ATF6B: variants seen among roughly 807,000 people sequenced by gnomAD.
ATF6B encodes the protein activating transcription factor 6 beta.
A neutral mutation model predicts 83.5 loss-of-function variants in ATF6B; 50 were observed. The observed-to-expected ratio is 0.60, with a 90% CI of 0.48 to 0.76. The LOEUF is 0.76. ATF6B is among the 30% of genes least tolerant of loss of function. The pLI, the probability that ATF6B is intolerant of heterozygous loss-of-function variation, is 0.00. For missense variants in ATF6B, 790 were observed against 893.8 expected (o/e 0.88, Z 1.48); for synonymous variants, 344 against 362.8 (o/e 0.95, Z 0.59).
Position 32,118,885 on chromosome 6 carries a change from G to A in ATF6B, c.1153-19C>T. ...CGCTGTTCTAAGGTACAAAGAAGGAGACAAGAAAAAGGGGAATCATTCCAA... is the reference window on the plus strand; with the variant it reads ...CGCTGTTCTAAGGTACAAAGAAGGAAACAAGAAAAAGGGGAATCATTCCAA... On this transcript the variant is annotated intron_variant, in intron 10 of 17. Coordinates refer to ENST00000375203, the MANE Select transcript of ATF6B (RefSeq NM_004381.5). The surrounding 1 kb of genome is among the most constrained non-coding windows in gnomAD (Gnocchi z 5.2). 1 of 1,614,158 alleles carries A rather than the reference G, an allele frequency of 6.2e-7. No individual in the cohort carries two copies. The highest frequency in any genetic ancestry group is 8.5e-7 in the Non-Finnish European group (1 of 1,180,000).
chr6:32,115,610 C>T lies in ATF6B; in HGVS notation c.*129G>A, dbSNP rs965797985. On this transcript the variant is annotated 3_prime_UTR_variant, in exon 18 of 18. Coordinates refer to ENST00000375203, the MANE Select transcript of ATF6B (RefSeq NM_004381.5). Reference sequence around the variant, plus strand: ...TGAACACCCCCACCTCAAATAAGTGCTTAACCCCCACACCTGCTCTTTCCT... The same window carrying T: ...TGAACACCCCCACCTCAAATAAGTGTTTAACCCCCACACCTGCTCTTTCCT... 2.5e-6 allele frequency: 2 copies of T among 784,850 alleles called. No homozygotes were observed. The highest frequency in any genetic ancestry group is 4.0e-6 in the Non-Finnish European group (2 of 496,052). 48.6% of individuals were successfully genotyped at this position (784,850 alleles called of 1,614,324 possible).
chr6:32,124,168 A>G (rs1249549226), intron 5 of ATF6B, among the ~76,000 whole-genome samples: 1 of 152,082 alleles, frequency 6.6e-6, no homozygotes, highest in African/African-American at 2.4e-5. Flanking sequence ...CCACTATTGC[A>G]CTCCAGCCTG....
Position 32,115,975 on chromosome 6 carries a change from G to C in ATF6B, c.1883-7C>G. The C allele has an allele frequency of 6.2e-7, 1 of 1,609,168 alleles. No homozygotes were observed. The highest frequency in any genetic ancestry group is 8.5e-7 in the Non-Finnish European group (1 of 1,176,304). On this transcript the variant is annotated splice_polypyrimidine_tract_variant and splice_region_variant and intron_variant, in intron 17 of 17. Coordinates refer to ENST00000375203, the MANE Select transcript of ATF6B (RefSeq NM_004381.5). ...CCACGGCCTGACAGGGTCTCTGTGA[G>C]AAGGGGAGAGTTAAGGAAGAGGAGA... is the stretch of plus-strand genomic sequence containing the variant.
At position 32,117,516 on chromosome 6, in the gene ATF6B, G is replaced by T. The variant is rs1015616597; in HGVS notation, c.1532+71C>A. On this transcript the variant is annotated intron_variant, in intron 13 of 17. Transcript: ENST00000375203. This position sits in a 1 kb window ranked among gnomAD's most constrained non-coding sequence, Gnocchi z 5.0. ...GGAGCACTGGCGCTTTAGTACACAG[G>T]CCAGCCAGGCTGACTGCAGAAGGCC... 1 of 1,592,820 alleles carries T rather than the reference G, an allele frequency of 6.3e-7. No homozygotes were observed. The highest frequency in any genetic ancestry group is 8.6e-7 in the Non-Finnish European group (1 of 1,165,260).
intron 4 of ATF6B, 57 bp from the exon 5 acceptor site, chr6:32,126,309 A>G: frequency 6.3e-7 from 1 of 1,591,400 alleles, no homozygotes; most frequent in Middle Eastern, 2.1e-4. Flanking sequence ...AACAAGGGAG[A>G]TGTTGACAGT....
rs1275010892 is a variant in ATF6B at position 32,118,397 on chromosome 6, A to C, written c.1245-359T>G. On this transcript the variant is annotated intron_variant, in intron 11 of 17. Coordinates refer to ENST00000375203, the MANE Select transcript of ATF6B (RefSeq NM_004381.5). The surrounding 1 kb of genome is among the most constrained non-coding windows in gnomAD (Gnocchi z 5.2). The stretch of plus-strand genomic sequence containing the variant: ...TGCCTGAGCTCAGGAGTTCGAGACC[A>C]GCCTGGGCAACAACAGTGAAACCCT... 6.6e-6 allele frequency among the ~76,000 whole-genome samples: 1 copy of C among 152,198 alleles called. No homozygotes were observed. The highest frequency in any genetic ancestry group is 1.5e-5 in the Non-Finnish European group (1 of 68,020).
At position 32,127,510 on chromosome 6, in the gene ATF6B, C is replaced by CT; in HGVS notation, c.181dup (p.Ser61LysfsTer13). The CT allele has an allele frequency of 6.2e-7, 1 of 1,613,318 alleles. No homozygotes were observed. Among genetic ancestry groups the CT allele is most frequent in the Non-Finnish European group, 8.5e-7 (1 of 1,179,522 alleles). ...GACATCCATCCCCACGTCCAGGGAG[C>CT]TGCCGTCAAACTAAATAAGGGAGGA... On this transcript the variant is annotated frameshift_variant, in exon 3 of 18. Transcript: ENST00000375203. LOFTEE classifies it high-confidence loss of function.
In ATF6B at chr6:32,115,615, C is replaced by G; in HGVS notation, c.*124G>C. The G allele has an allele frequency of 1.2e-6, 1 of 822,872 alleles. No homozygotes were observed. The highest frequency in any genetic ancestry group is 1.9e-6 in the Non-Finnish European group (1 of 525,702). The allele number at this position is 822,872 out of a possible 1,614,324, so 51.0% of individuals were successfully genotyped here. ...ACCCCCACCTCAAATAAGTGCTTAACCCCCACACCTGCTCTTTCCTTTACC... is the reference window on the plus strand; with the variant it reads ...ACCCCCACCTCAAATAAGTGCTTAAGCCCCACACCTGCTCTTTCCTTTACC... On this transcript the variant is annotated 3_prime_UTR_variant, in exon 18 of 18. Coordinates refer to ENST00000375203, the MANE Select transcript of ATF6B (RefSeq NM_004381.5).
intron 4 of ATF6B, 26 bp downstream of exon 4, chr6:32,127,077 G>A: frequency 2.6e-6 from 4 of 1,532,596 alleles, no homozygotes; most frequent in Non-Finnish European, 2.7e-6. Context: ...CCGTCACAGA[G>A]AGTAAGAGGG....
intron 5 of ATF6B, among the ~76,000 whole-genome samples, chr6:32,121,760 A>G (rs1277322597): frequency 6.6e-6 from 1 of 152,140 alleles, no homozygotes; most frequent in East Asian, 1.9e-4. Flanking sequence ...TGAACCTGAA[A>G]ATAAAACTCT....
rs1396022636 is a variant in ATF6B, at chr6:32,115,361, C to G, written c.*378G>C. 7.1e-6 allele frequency: 1 copy of G among 141,266 alleles called. No individual in the cohort carries two copies. Among genetic ancestry groups the G allele is most frequent in the African/African-American group, 2.5e-5 (1 of 39,292 alleles). The allele number at this position is 141,266 out of a possible 1,614,324, so 8.8% of individuals were successfully genotyped here. ...CCCCCCACCCCACCCTCCCTTACTCCCAGTAACTAGCTCCAAAATGAAAAA... is the reference window on the plus strand; with the variant it reads ...CCCCCCACCCCACCCTCCCTTACTCGCAGTAACTAGCTCCAAAATGAAAAA... On this transcript the variant is annotated 3_prime_UTR_variant, in exon 18 of 18. Coordinates refer to ENST00000375203, the MANE Select transcript of ATF6B (RefSeq NM_004381.5).
chr6:32,117,723 T>C lies in ATF6B; in HGVS notation c.1425-29A>G, dbSNP rs759907262. The C allele has an allele frequency of 2.4e-5, 39 of 1,607,554 alleles. No homozygotes were observed. In the East Asian group the frequency reaches 6.3e-4, roughly 26 times the overall value. On this transcript the variant is annotated intron_variant, in intron 12 of 17. Transcript: ENST00000375203. The surrounding 1 kb of genome is among the most constrained non-coding windows in gnomAD (Gnocchi z 5.0). ...GAGTGAAGCAGGAAGGAGACAACAC[T>C]TGGAGACTGCCCAGCACTCCCACAA...
intron 5 of ATF6B, among the ~76,000 whole-genome samples, chr6:32,121,964 G>T (rs1022825229): frequency 6.6e-6 from 1 of 152,120 alleles, no homozygotes. Context: ...CACAGAACTT[G>T]TCTATTCACA....
intron 7 of ATF6B, 24 bp downstream of exon 7, chr6:32,120,965 C>T (rs1239780828): frequency 6.6e-7 from 1 of 1,518,380 alleles, no homozygotes; most frequent in Non-Finnish European, 8.8e-7. Context: ...ACTAGGGATT[C>T]CAAGTGTCAG....
At chr6:32,126,311 G>A in intron 4 of ATF6B, 59 bp from the exon 5 acceptor site, 1 of 1,588,346 alleles carries the variant, frequency 6.3e-7, no homozygotes. Flanking sequence ...CAAGGGAGAT[G>A]TTGACAGTAA....
intron 1 of ATF6B, among the ~76,000 whole-genome samples, 176 bp from the exon 2 acceptor site, chr6:32,127,926 G>A (rs533250312): frequency 6.8e-4 from 104 of 152,012 alleles, no homozygotes; most frequent in Middle Eastern, 3.4e-3. Context: ...GGAACAACTC[G>A]ACGTTCCAGC....
In ATF6B at chr6:32,125,012, T is replaced by C. The variant is rs1254655206; in HGVS notation, c.478+1105A>G. ...ACAGGCTAATTTTTTGTATTTTTAG[T>C]AGACACGGGGTTTCACCATCTTAGC... On this transcript the variant is annotated intron_variant, in intron 5 of 17. Coordinates refer to ENST00000375203, the MANE Select transcript of ATF6B (RefSeq NM_004381.5). The surrounding 1 kb of genome is among the most constrained non-coding windows in gnomAD (Gnocchi z 4.1). Among the ~76,000 whole-genome samples, 1 of 152,148 alleles carries C rather than the reference T, an allele frequency of 6.6e-6. No individual in the cohort carries two copies. The highest frequency in any genetic ancestry group is 1.5e-5 in the Non-Finnish European group (1 of 68,038).
At position 32,116,140 on chromosome 6, in the gene ATF6B, G is replaced by C. The variant is rs1227973929; in HGVS notation, c.1883-172C>G. Among the ~76,000 whole-genome samples the C allele has an allele frequency of 2.0e-5, 3 of 152,190 alleles. No homozygotes were observed. Among genetic ancestry groups the C allele is most frequent in the African/African-American group, 7.2e-5 (3 of 41,434 alleles). ...CAGGATGGCAGGGACAGAGTTTGGT[G>C]CAGGGGCAAGGAGAGGGTAGGAAAA... On this transcript the variant is annotated intron_variant, in intron 17 of 17. Transcript: ENST00000375203. This position sits in a 1 kb window ranked among gnomAD's most constrained non-coding sequence, Gnocchi z 5.1.
chr6:32,124,781 A>G (rs2127346140), intron 5 of ATF6B, among the ~76,000 whole-genome samples: 1 of 152,092 alleles, frequency 6.6e-6, no homozygotes, highest in South Asian at 2.1e-4. Flanking sequence ...TTCCAGGGGC[A>G]CATCCCAGAT....
Sources: gnomAD v4.1 joint callset for allele counts (sites outside exome capture counted in the v4.1 genomes callset) on GRCh38, gnomAD v4.1.1 for gene constraint, Gnocchi (gnomAD v3.1) non-coding constraint, MANE v1.5 for transcripts, NCBI Gene and HGNC (gene_info 2026-07-23, HGNC 2026-07-21) for gene names.